Variants in DLGAP2 observed in about 807,000 individuals in gnomAD.
DLGAP2 encodes the protein DLG associated protein 2, also known as disks large-associated protein 2.
DLGAP2 carries 26 observed loss-of-function variants against 100.3 expected under a neutral mutation model. That is an observed-to-expected ratio of 0.26 (90% confidence interval 0.19 to 0.36). DLGAP2 has a LOEUF of 0.36. Among genes scored for constraint, DLGAP2 ranks in the 10% least tolerant of loss-of-function variants. The pLI, the probability that DLGAP2 is intolerant of heterozygous loss-of-function variation, is 1.00. For missense variants in DLGAP2, 1,858 were observed against 1,453.2 expected, an observed-to-expected ratio of 1.28 and a Z score of -4.53; for synonymous variants, 886 against 630.1, an observed-to-expected ratio of 1.41 and a Z score of -6.08.
At chr8:748,333 C>T (rs1820703077) in intron 1 of DLGAP2, among the ~76,000 whole-genome samples, 1 of 151,862 alleles carries the variant, frequency 6.6e-6, no homozygotes, top group African/African-American at 2.4e-5. Flanking sequence ...TGGGCAGGCT[C>T]TGGTGCTTTC....
chr8:1,689,637 G>A (rs979193274), intron 12 of DLGAP2, among the ~76,000 whole-genome samples: 4 of 152,032 alleles, frequency 2.6e-5, no homozygotes, highest in Admixed American at 6.6e-5. Flanking sequence ...ACTCTCCAGG[G>A]AGAGCAAAAA....
intron 2 of DLGAP2, among the ~76,000 whole-genome samples, chr8:964,436 G>T (rs1410865313): frequency 6.6e-6 from 1 of 152,230 alleles, no homozygotes; most frequent in Non-Finnish European, 1.5e-5. Context: ...GAGCAGAGTC[G>T]CAGAGGACCC....
At chr8:1,386,763 G>C (rs80222110) in intron 3 of DLGAP2, among the ~76,000 whole-genome samples, 1,711 of 152,232 alleles carry the variant, frequency 0.011, 37 homozygotes, top group African/African-American at 0.039. Context: ...CACCAGCATA[G>C]AATGCGGCAA....
At chr8:1,287,498 T>TG (rs1799959187) in intron 3 of DLGAP2, among the ~76,000 whole-genome samples, 20,532 of 49,250 alleles carry the variant, frequency 0.42, 3,942 homozygotes, top group Non-Finnish European at 0.45. Flanking sequence ...GTGTGTGTGG[T>TG]TCTGTTAGGA....
intron 2 of DLGAP2, among the ~76,000 whole-genome samples, chr8:1,088,332 C>G (rs1804045605): frequency 6.6e-6 from 1 of 152,078 alleles, no homozygotes; most frequent in African/African-American, 2.4e-5. Flanking sequence ...GACAGGGCAC[C>G]AAGGGCCTGG....
chr8:926,493 T>G (rs1798819070), intron 2 of DLGAP2, among the ~76,000 whole-genome samples: 1 of 152,072 alleles, frequency 6.6e-6, no homozygotes, highest in African/African-American at 2.4e-5. Flanking sequence ...CGCACCTGAG[T>G]AAACAGATCC....
Position 1,542,473 on chromosome 8 carries a change from A to G in DLGAP2, c.173-6153A>G, listed in dbSNP as rs549367928. Among the ~76,000 whole-genome samples the G allele has an allele frequency of 2.6e-5, 4 of 152,342 alleles. No individual in the cohort carries two copies. The East Asian group carries it at 5.8e-4, about 22-fold the overall frequency. ...GAGATCTGCCTGTTCTGCACACTTC[A>G]TATGAATGAAATTGTACATTGGTGG... On this transcript the variant is annotated intron_variant, in intron 4 of 14. Coordinates refer to ENST00000637795, the MANE Select transcript of DLGAP2 (RefSeq NM_001346810.2).
rs182148723 is a variant in DLGAP2, at chr8:1,514,013, C to G, written c.172+12582C>G. On this transcript the variant is annotated intron_variant, in intron 4 of 14. Coordinates refer to ENST00000637795, the MANE Select transcript of DLGAP2 (RefSeq NM_001346810.2). Reference sequence around the variant, plus strand: ...ACATCCCCTCCCCTTCCCGGGTTATCTTACGTGATATGGGGCACAGATTTG... The same window carrying G: ...ACATCCCCTCCCCTTCCCGGGTTATGTTACGTGATATGGGGCACAGATTTG... 1.9e-3 allele frequency among the ~76,000 whole-genome samples: 291 copies of G among 152,304 alleles called. 1 individual carries two copies. The highest frequency in any genetic ancestry group is 6.7e-3 in the African/African-American group (278 of 41,570).
At chr8:1,333,940 A>T (rs1801214910) in intron 3 of DLGAP2, among the ~76,000 whole-genome samples, 1 of 152,230 alleles carries the variant, frequency 6.6e-6, no homozygotes, top group African/African-American at 2.4e-5. Flanking sequence ...CTGAAGGCGC[A>T]TATGCGGTGG....
At chr8:1,690,383 AAC>A (rs201256134) in intron 12 of DLGAP2, among the ~76,000 whole-genome samples, 3 of 150,782 alleles carry the variant, frequency 2.0e-5, no homozygotes, top group African/African-American at 7.3e-5. Flanking sequence ...AAACAAAATA[AAC>A]ACACACACAT....
intron 3 of DLGAP2, among the ~76,000 whole-genome samples, chr8:1,423,282 C>G (rs891502274): frequency 6.6e-6 from 1 of 151,918 alleles, no homozygotes. Context: ...CTCCCTGACC[C>G]CAGGCCTGCT....
intron 6 of DLGAP2, among the ~76,000 whole-genome samples, chr8:1,580,784 C>CCA: frequency 6.7e-6 from 1 of 149,076 alleles, no homozygotes; most frequent in East Asian, 2.0e-4. Context: ...AGACAAAACC[C>CCA]CACACATCTA....
chr8:1,338,325 C>T (rs1801335016), intron 3 of DLGAP2, among the ~76,000 whole-genome samples: 1 of 152,208 alleles, frequency 6.6e-6, no homozygotes, highest in Admixed American at 6.5e-5. Flanking sequence ...GTGCAGGCCA[C>T]ACGTATGATG....
chr8:1,254,156 C>T (rs1563042425), intron 2 of DLGAP2, among the ~76,000 whole-genome samples: 1 of 152,178 alleles, frequency 6.6e-6, no homozygotes, highest in Non-Finnish European at 1.5e-5. Flanking sequence ...GGGCTGGTCA[C>T]AGATCCCACC....
At chr8:1,377,308 G>A (rs1482595288) in intron 3 of DLGAP2, among the ~76,000 whole-genome samples, 1 of 152,242 alleles carries the variant, frequency 6.6e-6, no homozygotes, top group East Asian at 1.9e-4. Flanking sequence ...ACTTTGGGAG[G>A]CCGAGGCGGG....
chr8:1,387,940 C>T lies in DLGAP2; in HGVS notation c.107-113426C>T, dbSNP rs188894460. On this transcript the variant is annotated intron_variant, in intron 3 of 14. Transcript: ENST00000637795. ...GTCTGGAGCCCCACAGTTAGGGTTA[C>T]GGGTGGGTTAGCGATCAAGGCGTGG... Among the ~76,000 whole-genome samples the T allele has an allele frequency of 3.9e-5, 6 of 152,302 alleles. No individual in the cohort carries two copies. In the East Asian group the frequency reaches 9.7e-4, roughly 25 times the overall value.
intron 3 of DLGAP2, among the ~76,000 whole-genome samples, chr8:1,293,440 G>C (rs1021243828): frequency 1.3e-5 from 2 of 152,200 alleles, no homozygotes; most frequent in African/African-American, 4.8e-5. Flanking sequence ...CTGAGCCATG[G>C]CTCCTTCCCT....
intron 3 of DLGAP2, among the ~76,000 whole-genome samples, chr8:1,368,206 G>A (rs973517239): frequency 6.6e-6 from 1 of 152,040 alleles, no homozygotes; most frequent in African/African-American, 2.4e-5. Context: ...GTACGTGTGT[G>A]TCCATATATC....
intron 2 of DLGAP2, among the ~76,000 whole-genome samples, chr8:1,106,579 C>G (rs559900506): frequency 1.3e-5 from 2 of 149,284 alleles, no homozygotes; most frequent in Non-Finnish European, 3.0e-5. Flanking sequence ...GGGGGCCATT[C>G]TAGGAGGGTT....
Sources: gnomAD v4.1 joint callset for allele counts (sites outside exome capture counted in the v4.1 genomes callset) on GRCh38, gnomAD v4.1.1 for gene constraint, MANE v1.5 for transcripts, NCBI Gene and HGNC (gene_info 2026-07-23, HGNC 2026-07-21) for gene names.